The following IFNL3 variants were observed in gnomAD, a reference collection of about 807,000 sequenced individuals.
The protein encoded by IFNL3 is interferon lambda 3.
IFNL3 carries 16 observed loss-of-function variants against 16.3 expected under a neutral mutation model. The ratio of observed to expected loss-of-function variants is 0.98; its 90% CI spans 0.67 to 1.50. The LOEUF (loss-of-function observed/expected upper bound fraction) is 1.50. Ranked by LOEUF, IFNL3 falls within the 40% of genes most tolerant of loss-of-function variation. IFNL3 has a pLI of 0.00. For synonymous variants in IFNL3, 115 were observed against 115.3 expected, an observed-to-expected ratio of 1.00 and a Z score of 0.02; for missense variants, 254 against 253.5, an observed-to-expected ratio of 1.00 and a Z score of -0.01.
At position 39,243,991 on chromosome 19, in the gene IFNL3, G is replaced by A. The variant is rs201344311; in HGVS notation, c.408+17C>T. ...TCAGAGCTCACAGACCTGGGTGCCC[G>A]GGCCCTGACGACTCACACAGGCCCG... is the stretch of plus-strand genomic sequence containing the variant. On this transcript the variant is annotated intron_variant, in intron 3 of 4. Transcript: ENST00000413851. The A allele has an allele frequency of 1.0e-4, 167 of 1,609,858 alleles. 2 individuals are homozygous for A. The East Asian group carries it at 2.1e-3, about 21-fold the overall frequency.
intron 1 of IFNL3, 99 bp from the exon 2 acceptor site, chr19:39,244,593 A>C: frequency 7.0e-7 from 1 of 1,437,514 alleles, no homozygotes; most frequent in South Asian, 1.3e-5. Context: ...AGGGGAGGTT[A>C]ACTGCTGGGA....
Position 39,244,866 on chromosome 19 carries a change from T to A in IFNL3, c.102A>T (p.Ala34=). ...TGAACTGGGCTATGTGGCAGCCCCT[T>A]GCATCCGGGAGAGCCCCGCGGAGCC... ...VARLRGALPD[A]RGCHIAQFKS... Residue 34 remains alanine, a synonymous_variant, in exon 1 of 5, where the codon GCA becomes GCT. Coordinates refer to ENST00000413851, the MANE Select transcript of IFNL3 (RefSeq NM_172139.4). The A allele has an allele frequency of 6.2e-7, 1 of 1,613,944 alleles. No individual in the cohort carries two copies. Among genetic ancestry groups the A allele is most frequent in the Non-Finnish European group, 8.5e-7 (1 of 1,179,856 alleles).
In IFNL3 at chr19:39,244,032, A is replaced by G. The variant is rs1177451868; in HGVS notation, c.384T>C (p.His128=). The change falls in exon 3 of 5, where the codon CAT becomes CAC. Residue 128 remains histidine (H), a synonymous_variant. Transcript: ENST00000413851. The part of the protein sequence containing the change: ...VLDQPLHTLH[H]ILSQLRACIQ... ...CACAGGCCCGGAGCTGGGAGAGGAT[A>G]TGGTGCAGGGTGTGAAGGGGCTGGT... is the stretch of plus-strand genomic sequence containing the variant. 3.7e-6 allele frequency: 6 copies of G among 1,614,120 alleles called. No homozygotes were observed. Among genetic ancestry groups the G allele is most frequent in the South Asian group, 3.3e-5 (3 of 91,072 alleles).
Position 39,243,629 on chromosome 19 carries a change from G to C in IFNL3, c.*3C>G. ...ATCTCAGGTTGCATGACTGGCGGAAGGGTCAGACACACAGGTCCCCGCTGG... is the reference window on the plus strand; with the variant it reads ...ATCTCAGGTTGCATGACTGGCGGAACGGTCAGACACACAGGTCCCCGCTGG... On this transcript the variant is annotated 3_prime_UTR_variant, in exon 5 of 5. Coordinates refer to ENST00000413851, the MANE Select transcript of IFNL3 (RefSeq NM_172139.4). 6.3e-7 allele frequency: 1 copy of C among 1,586,700 alleles called. No homozygotes were observed. The highest frequency in any genetic ancestry group is 1.1e-5 in the South Asian group (1 of 87,530).
Position 39,244,901 on chromosome 19 carries a change from G to A in IFNL3, c.67C>T (p.Pro23Ser), listed in dbSNP as rs202028512. 2.2e-4 allele frequency: 362 copies of A among 1,613,884 alleles called. 2 individuals are homozygous for A. Among genetic ancestry groups the A allele is most frequent in the Non-Finnish European group, 1.8e-5 (21 of 1,179,890 alleles). The change falls in exon 1 of 5, where the codon CCT becomes TCT. Residue 23 changes from proline (P) to serine (S), a missense_variant. Transcript: ENST00000413851. ...AAVLTVTGAV[P>S]VARLRGALPD... ...AGAGCCCCGCGGAGCCTGGCGACAGGAACTGCTCCAGTCACGGTCAGCACT... is the reference window on the plus strand; with the variant it reads ...AGAGCCCCGCGGAGCCTGGCGACAGAAACTGCTCCAGTCACGGTCAGCACT...
intron 1 of IFNL3, 41 bp downstream of exon 1, chr19:39,244,747 G>T (rs767306139): frequency 1.3e-6 from 2 of 1,594,410 alleles, no homozygotes; most frequent in African/African-American, 1.3e-5. Flanking sequence ...TGGAGTGCGG[G>T]TGGAGGCTAG....
downstream of IFNL3, chr19:39,243,506 A>G: frequency 2.6e-6 from 3 of 1,135,076 alleles, no homozygotes; most frequent in Admixed American, 5.3e-5. Context: ...GTAGAAAAAT[A>G]AACATTTTCC....
chr19:39,243,712 C>G lies in IFNL3; in HGVS notation c.511G>C (p.Glu171Gln). 3.7e-6 allele frequency: 6 copies of G among 1,610,280 alleles called. No homozygotes were observed. The highest frequency in any genetic ancestry group is 5.1e-6 in the Non-Finnish European group (6 of 1,178,302). Residue 171 changes from glutamate (E) to glutamine (Q), a missense_variant, in exon 5 of 5, where the codon GAG becomes CAG. By Grantham distance (29) the Glu-to-Gln change is conservative. Transcript: ENST00000413851. ...AAGAGGTTGAAGGTGACAGAGGCCT[C>G]GAGGCAGCCAGGGGACTCCTGTAGG... The part of the protein sequence containing the change: ...APKKESPGCL[E>Q]ASVTFNLFRL...
chr19:39,244,620 T>G (rs2074935065), intron 1 of IFNL3, 126 bp from the exon 2 acceptor site: 1 of 1,371,206 alleles, frequency 7.3e-7, no homozygotes, highest in Admixed American at 2.2e-5. Flanking sequence ...TAGAGGACCC[T>G]CTTCTTCAGG....
Position 39,244,485 on chromosome 19 carries a change from G to C in IFNL3, c.190C>G (p.Leu64Val), listed in dbSNP as rs2074934049. Reference protein sequence around the residue: ...KRAKDALEESLLLKDCKCRSR... With the variant: ...KRAKDALEESVLLKDCKCRSR... ...CGGCACTTGCAGTCCTTCAGCAGAAGCGACTCTTCCTAGACAGCAAAGGCA... is the reference window on the plus strand; with the variant it reads ...CGGCACTTGCAGTCCTTCAGCAGAACCGACTCTTCCTAGACAGCAAAGGCA... Residue 64 changes from leucine to valine, a missense_variant, in exon 2 of 5, where the codon CTT becomes GTT. Leu to Val is a conservative substitution (Grantham distance 32, BLOSUM62 1). Transcript: ENST00000413851. 6.2e-7 allele frequency: 1 copy of C among 1,610,452 alleles called. No individual in the cohort carries two copies. Among genetic ancestry groups the C allele is most frequent in the Non-Finnish European group, 8.5e-7 (1 of 1,178,472 alleles).
In IFNL3 at chr19:39,243,707, G is replaced by A; in HGVS notation, c.516C>T (p.Ala172=). 1.9e-6 allele frequency: 3 copies of A among 1,610,154 alleles called. No individual in the cohort carries two copies. The South Asian group carries it at 3.3e-5, about 18-fold the overall frequency. ...PKKESPGCLE[A]SVTFNLFRLL... ...GGCGGAAGAGGTTGAAGGTGACAGAGGCCTCGAGGCAGCCAGGGGACTCCT... is the reference window on the plus strand; with the variant it reads ...GGCGGAAGAGGTTGAAGGTGACAGAAGCCTCGAGGCAGCCAGGGGACTCCT... The change falls in exon 5 of 5, where the codon GCC becomes GCT. Residue 172 remains alanine (A), a synonymous_variant. Transcript: ENST00000413851.
upstream of IFNL3, chr19:39,245,224 T>C (rs1224586952): frequency 6.2e-5 from 44 of 715,138 alleles, no homozygotes; most frequent in Non-Finnish European, 9.2e-5. Context: ...TCTGTCAGTT[T>C]TGAGCTCTGT....
chr19:39,243,920 G>T lies in IFNL3; in HGVS notation c.409-13C>A. On this transcript the variant is annotated splice_polypyrimidine_tract_variant and intron_variant, in intron 3 of 4. Coordinates refer to ENST00000413851, the MANE Select transcript of IFNL3 (RefSeq NM_172139.4). ...GCTGAGGCTGGATCTGTGGGCAGAG[G>T]AGGGCGGTGTGTGAGCCGGGGCCTT... 1 of 1,612,698 alleles carries T rather than the reference G, an allele frequency of 6.2e-7. No homozygotes were observed.
intron 1 of IFNL3, 39 bp from the exon 2 acceptor site, chr19:39,244,533 G>A (rs1271991325): frequency 1.3e-6 from 2 of 1,580,236 alleles, no homozygotes; most frequent in South Asian, 2.3e-5. Context: ...AGCAGGAGGG[G>A]TGGAGGTTAG....
chr19:39,245,101 C>T, upstream of IFNL3: 2 of 1,596,844 alleles, frequency 1.3e-6, no homozygotes, highest in South Asian at 2.2e-5. Flanking sequence ...TCTTTGTCAG[C>T]AGAAGAAACA....
At position 39,244,337 on chromosome 19, in the gene IFNL3, AAGG is replaced by A. The variant is rs1234868266; in HGVS notation, c.258+77_258+79del. 8 of 1,516,182 alleles carry A rather than the reference AAGG, an allele frequency of 5.3e-6. No individual in the cohort carries two copies. In the East Asian group the frequency reaches 1.6e-4, roughly 31 times the overall value. 93.9% of individuals were successfully genotyped at this position (1,516,182 alleles called of 1,614,324 possible). A position where few individuals can be genotyped will look rare whatever the true frequency, so the allele number is the denominator to read the frequency against. ...GGGAGAGGAGAGAGGGACAATGGAG[AAGG>A]AGAAGGTGAAGGGGCCACTACAGAG... is the stretch of plus-strand genomic sequence containing the variant. On this transcript the variant is annotated intron_variant, in intron 2 of 4. Coordinates refer to ENST00000413851, the MANE Select transcript of IFNL3 (RefSeq NM_172139.4).
At chr19:39,243,972 C>G (rs778179268) in intron 3 of IFNL3, 36 bp downstream of exon 3, 2 of 1,611,954 alleles carry the variant, frequency 1.2e-6, no homozygotes, top group Non-Finnish European at 1.7e-6. Context: ...CTGCTCAGAG[C>G]TCACAGACCT....
chr19:39,244,378 G>C, intron 2 of IFNL3, 39 bp downstream of exon 2: 1 of 1,602,566 alleles, frequency 6.2e-7, no homozygotes, highest in Non-Finnish European at 8.5e-7. Context: ...AGGTGAGCAG[G>C]GCTGGGAGGG....
In IFNL3 at chr19:39,244,143, G is replaced by T. The variant is rs528458265; in HGVS notation, c.273C>A (p.Pro91=). The T allele has an allele frequency of 6.2e-7, 1 of 1,614,144 alleles. No homozygotes were observed. The highest frequency in any genetic ancestry group is 1.1e-5 in the South Asian group (1 of 91,084). Residue 91 remains proline (P), a synonymous_variant, in exon 3 of 5, where the codon CCC becomes CCA. Coordinates refer to ENST00000413851, the MANE Select transcript of IFNL3 (RefSeq NM_172139.4). ...DLRQLQVRER[P]VALEAELALT... ...GGGCCAGCTCAGCCTCCAAAGCCAC[G>T]GGGCGCTCCCTCACCTGAGGAGAGG...
Sources: gnomAD v4.1 joint callset for allele counts on GRCh38, gnomAD v4.1.1 for gene constraint, MANE v1.5 for transcripts, NCBI Gene and HGNC (gene_info 2026-07-23, HGNC 2026-07-21) for gene names.